The following CCDC149 variants were observed in gnomAD, a reference collection of about 807,000 sequenced individuals.
CCDC149 encodes coiled-coil domain-containing protein 149.
CCDC149 carries 45 observed loss-of-function variants against 59.9 expected under a neutral mutation model. The observed-to-expected ratio is 0.75, with a 90% CI of 0.59 to 0.96. The LOEUF (loss-of-function observed/expected upper bound fraction) is 0.96, where lower values mean the gene tolerates loss of function less well. Ranked by LOEUF, CCDC149 falls within the 40% of genes least tolerant of loss-of-function variation. The probability of loss-of-function intolerance (pLI) is 0.00; values close to 1 mark genes in which losing one functional copy is unlikely to be tolerated. For missense variants in CCDC149, 584 were observed against 664.7 expected, an observed-to-expected ratio of 0.88 and a Z score of 1.33; for synonymous variants, 245 against 260.6, an observed-to-expected ratio of 0.94 and a Z score of 0.58.
intron 1 of CCDC149, among the ~76,000 whole-genome samples, chr4:24,905,736 T>C (rs1411385826): frequency 1.3e-5 from 2 of 152,194 alleles, no homozygotes; most frequent in South Asian, 2.1e-4. Flanking sequence ...GTGCCCAGCC[T>C]ACTCTTATTT....
Position 24,919,506 on chromosome 4 carries a change from C to T in CCDC149, c.-64-24388G>A, listed in dbSNP as rs547563399. 2.6e-4 allele frequency among the ~76,000 whole-genome samples: 39 copies of T among 152,186 alleles called. No individual in the cohort carries two copies. The South Asian group carries it at 7.0e-3, about 28-fold the overall frequency. ...TGTTAAACAACAATAACAACCTTGGCGGGCAGGGGGTGGGAACTGAAAGGA... is the reference window on the plus strand; with the variant it reads ...TGTTAAACAACAATAACAACCTTGGTGGGCAGGGGGTGGGAACTGAAAGGA... On this transcript the variant is annotated intron_variant, in intron 1 of 12. Transcript: ENST00000389609.
At chr4:24,812,583 AC>A (rs1471685698) in intron 12 of CCDC149, among the ~76,000 whole-genome samples, 2 of 152,246 alleles carry the variant, frequency 1.3e-5, no homozygotes, top group East Asian at 3.9e-4. Context: ...TGGGCTTAAG[AC>A]CTTGAAGACC....
chr4:24,838,330 A>C, intron 4 of CCDC149, 58 bp from the exon 5 acceptor site: 1 of 1,296,046 alleles, frequency 7.7e-7, no homozygotes, highest in South Asian at 1.2e-5. Context: ...GATCCAAATA[A>C]AAACCAAAGG....
intron 4 of CCDC149, among the ~76,000 whole-genome samples, chr4:24,852,019 T>C (rs1013553878): frequency 6.6e-6 from 1 of 151,700 alleles, no homozygotes; most frequent in Non-Finnish European, 1.5e-5. Flanking sequence ...AGAAGCTGTG[T>C]AAGGAAGGCT....
chr4:24,964,728 A>G (rs868594400), intron 1 of CCDC149, among the ~76,000 whole-genome samples: 1 of 152,224 alleles, frequency 6.6e-6, no homozygotes, highest in Non-Finnish European at 1.5e-5. Flanking sequence ...ACATTCATGA[A>G]GCTAAGGGAA....
At chr4:24,901,779 C>A (rs1721188115) in intron 1 of CCDC149, among the ~76,000 whole-genome samples, 1 of 152,180 alleles carries the variant, frequency 6.6e-6, no homozygotes, top group Non-Finnish European at 1.5e-5. Context: ...CCTGTCACTT[C>A]CAGTACCACC....
At chr4:24,844,241 A>C (rs1717119926) in intron 4 of CCDC149, among the ~76,000 whole-genome samples, 1 of 151,940 alleles carries the variant, frequency 6.6e-6, no homozygotes, top group Non-Finnish European at 1.5e-5. Context: ...GCACTGAAAC[A>C]CCTTGTCCTC....
chr4:24,864,279 A>G (rs942032790), intron 3 of CCDC149, among the ~76,000 whole-genome samples: 3 of 152,194 alleles, frequency 2.0e-5, no homozygotes, highest in African/African-American at 7.2e-5. Context: ...ATCACCAGCC[A>G]TTATTCCAGA....
chr4:24,843,957 CCCTGGGCCTTTG>C (rs1577402823), intron 4 of CCDC149, among the ~76,000 whole-genome samples: 1 of 152,164 alleles, frequency 6.6e-6, no homozygotes, highest in Admixed American at 6.5e-5. Context: ...TCATGTCTGT[CCCTGGGCCTTTG>C]CACTTCCTCT....
At chr4:24,834,239 A>T (rs1298887112) in intron 8 of CCDC149, among the ~76,000 whole-genome samples, 1 of 152,126 alleles carries the variant, frequency 6.6e-6, no homozygotes, top group African/African-American at 2.4e-5. Context: ...GCTGGTCTGC[A>T]CTATCAACAA....
upstream of CCDC149, among the ~76,000 whole-genome samples, chr4:24,917,898 G>C (rs1722177260): frequency 6.6e-6 from 1 of 152,152 alleles, no homozygotes; most frequent in Non-Finnish European, 1.5e-5. Flanking sequence ...GGCCCGTGCT[G>C]CTGACGGGTT....
At chr4:24,824,486 C>T (rs1412800399) in intron 9 of CCDC149, among the ~76,000 whole-genome samples, 2 of 152,192 alleles carry the variant, frequency 1.3e-5, no homozygotes, top group Admixed American at 6.5e-5. Flanking sequence ...GCTGAACACT[C>T]GCCTCATTTG....
chr4:24,863,423 C>A (rs1718503468), intron 3 of CCDC149, among the ~76,000 whole-genome samples: 1 of 152,196 alleles, frequency 6.6e-6, no homozygotes, highest in Non-Finnish European at 1.5e-5. Flanking sequence ...ATATTTCAGA[C>A]CAGTAGCCAG....
At chr4:24,820,223 TC>T in intron 11 of CCDC149, 2 of 430,864 alleles carry the variant, frequency 4.6e-6, no homozygotes. Context: ...GCCATTTTTT[TC>T]TTTCCTCTCA....
At chr4:24,925,558 C>T (rs1722414959) in intron 1 of CCDC149, among the ~76,000 whole-genome samples, 1 of 152,150 alleles carries the variant, frequency 6.6e-6, no homozygotes, top group Non-Finnish European at 1.5e-5. Flanking sequence ...ACTTTATAGA[C>T]AAAAATCACA....
At position 24,904,514 on chromosome 4, in the gene CCDC149, G is replaced by A. The variant is rs185584529; in HGVS notation, c.63+8303C>T. ...TACATACATAGATGTGTAGACAGGT[G>A]TGGACATGTGTCCTCATTTCTCTTC... On this transcript the variant is annotated intron_variant, in intron 1 of 12. Coordinates refer to ENST00000635206, the MANE Select transcript of CCDC149 (RefSeq NM_001330643.2). Among the ~76,000 whole-genome samples, 73 of 152,304 alleles carry A rather than the reference G, an allele frequency of 4.8e-4. No individual in the cohort carries two copies. The East Asian group carries it at 0.012, about 26-fold the overall frequency.
intron 9 of CCDC149, 28 bp downstream of exon 9, chr4:24,831,478 C>T (rs1716142404): frequency 1.2e-6 from 2 of 1,611,664 alleles, no homozygotes; most frequent in Non-Finnish European, 8.5e-7. Context: ...TCGCGCCCAC[C>T]CCCCAACACA....
At chr4:24,905,086 G>C (rs970328703) in intron 1 of CCDC149, among the ~76,000 whole-genome samples, 3 of 151,920 alleles carry the variant, frequency 2.0e-5, no homozygotes, top group Admixed American at 2.0e-4. Flanking sequence ...ATTTTTAGTA[G>C]AGACAGGGTT....
intron 12 of CCDC149, among the ~76,000 whole-genome samples, chr4:24,812,586 T>C (rs952701099): frequency 6.6e-6 from 1 of 152,194 alleles, no homozygotes; most frequent in Non-Finnish European, 1.5e-5. Flanking sequence ...GCTTAAGACC[T>C]TGAAGACCAG....
Sources: allele counts gnomAD v4.1 joint callset (sites outside exome capture counted in the v4.1 genomes callset), GRCh38; gene constraint gnomAD v4.1.1; transcripts MANE v1.5; gene names NCBI Gene and HGNC (gene_info 2026-07-23, HGNC 2026-07-21).